Variants in SHISAL1 observed in about 807,000 individuals in gnomAD.
SHISAL1 encodes the protein protein shisa-like-1.
Under a neutral mutation model 22.6 loss-of-function variants are expected in SHISAL1, and 9 were observed. The observed-to-expected ratio is 0.40, with a 90% CI of 0.24 to 0.70. SHISAL1 has a LOEUF of 0.70. Ranked by LOEUF, SHISAL1 falls within the 30% of genes least tolerant of loss-of-function variation. SHISAL1 has a pLI of 0.39. For synonymous variants in SHISAL1, 119 were observed against 115.4 expected, an observed-to-expected ratio of 1.03 and a Z score of -0.20; for missense variants, 246 against 270.6, an observed-to-expected ratio of 0.91 and a Z score of 0.64.
At chr22:44,322,803 C>G in the SHISAL1 span, among the ~76,000 whole-genome samples, 3 of 152,224 alleles carry the variant, frequency 2.0e-5, no homozygotes, top group Admixed American at 2.0e-4. Flanking sequence ...AGCTACACAA[C>G]GCATCCCACC....
intron 4 of SHISAL1, among the ~76,000 whole-genome samples, chr22:44,268,714 G>A (rs577605231): frequency 5.3e-5 from 8 of 152,294 alleles, no homozygotes; most frequent in Admixed American, 3.3e-4. Flanking sequence ...CCTCAGCGAC[G>A]TTTTGAGGAA....
chr22:44,324,474 G>A, the SHISAL1 span, among the ~76,000 whole-genome samples: 1 of 152,234 alleles, frequency 6.6e-6, no homozygotes, highest in South Asian at 2.1e-4. Flanking sequence ...TGGAAGGGCT[G>A]CAACAATGTC....
Position 44,258,236 on chromosome 22 carries a change from G to A in SHISAL1, c.*-8551C>T, listed in dbSNP as rs11912661. 9.7e-3 allele frequency among the ~76,000 whole-genome samples: 1,483 copies of A among 152,328 alleles called. 25 individuals are homozygous for A. The highest frequency in any genetic ancestry group is 0.034 in the African/African-American group (1,422 of 41,572). On this transcript the variant is annotated intron_variant, in intron 4 of 4. Coordinates refer to ENST00000381176, the MANE Select transcript of SHISAL1 (RefSeq NM_001099294.2). ...CAGGAGAATCACTCGAATCCAGTGG[G>A]GTAGAGATTGCAGTGAGCCAAGATC...
the SHISAL1 span, among the ~76,000 whole-genome samples, chr22:44,327,177 C>T: frequency 6.6e-6 from 1 of 151,972 alleles, no homozygotes; most frequent in Non-Finnish European, 1.5e-5. Flanking sequence ...AGGCCTGCTG[C>T]TGGCACTGTC....
intron 1 of SHISAL1, among the ~76,000 whole-genome samples, chr22:44,306,073 G>A (rs1288503733): frequency 6.6e-6 from 1 of 152,240 alleles, no homozygotes; most frequent in Non-Finnish European, 1.5e-5. Flanking sequence ...TTCCAAGCTA[G>A]GTCAGAAAGC....
intron 4 of SHISAL1, among the ~76,000 whole-genome samples, chr22:44,265,521 T>C (rs974472607): frequency 1.3e-5 from 2 of 152,040 alleles, no homozygotes; most frequent in African/African-American, 4.8e-5. Flanking sequence ...GATTGCAGCC[T>C]CCTGAGAGAC....
At chr22:44,277,358 C>A (rs1365884231) in intron 4 of SHISAL1, among the ~76,000 whole-genome samples, 1 of 152,226 alleles carries the variant, frequency 6.6e-6, no homozygotes, top group Non-Finnish European at 1.5e-5. Context: ...GCTGGAGGCC[C>A]TCCAGGTACC....
chr22:44,251,233 C>T (rs1294193767), intron 4 of SHISAL1, among the ~76,000 whole-genome samples: 1 of 152,150 alleles, frequency 6.6e-6, no homozygotes, highest in Non-Finnish European at 1.5e-5. Context: ...CAGTAACTGG[C>T]ATACTGTAGG....
chr22:44,282,116 G>T (rs1305363191), intron 4 of SHISAL1, among the ~76,000 whole-genome samples: 2 of 152,204 alleles, frequency 1.3e-5, no homozygotes, highest in African/African-American at 4.8e-5. Flanking sequence ...CTGCCTCGGG[G>T]CCCTCACCCA....
rs75340512 is a variant in SHISAL1 at position 44,257,817 on chromosome 22, G to C, written c.*-8132C>G. 9.7e-3 allele frequency among the ~76,000 whole-genome samples: 1,477 copies of C among 152,310 alleles called. 25 individuals carry two copies. The highest frequency in any genetic ancestry group is 0.034 in the African/African-American group (1,417 of 41,546). On this transcript the variant is annotated intron_variant, in intron 4 of 4. Coordinates refer to ENST00000381176, the MANE Select transcript of SHISAL1 (RefSeq NM_001099294.2). ...AGGGGCAACCCATCACCTTCCTAGGGAACTGCATTAGCGTGAGCTGCTTCT... is the reference window on the plus strand; with the variant it reads ...AGGGGCAACCCATCACCTTCCTAGGCAACTGCATTAGCGTGAGCTGCTTCT...
intron 4 of SHISAL1, among the ~76,000 whole-genome samples, chr22:44,276,837 G>A (rs2055243285): frequency 6.9e-6 from 1 of 145,836 alleles, no homozygotes; most frequent in African/African-American, 2.8e-5. Context: ...AGGGGTGGGT[G>A]GAAATGAGAG....
intron 4 of SHISAL1, among the ~76,000 whole-genome samples, chr22:44,254,377 T>TA (rs1223739757): frequency 1.1e-4 from 16 of 152,196 alleles, no homozygotes; most frequent in Non-Finnish European, 2.4e-4. Context: ...TATTTTTTTT[T>TA]AGAGACAGGC....
At chr22:44,267,977 G>A (rs1351636193) in intron 4 of SHISAL1, among the ~76,000 whole-genome samples, 3 of 152,220 alleles carry the variant, frequency 2.0e-5, no homozygotes, top group South Asian at 2.1e-4. Context: ...GCAGAGACAC[G>A]GCCGGAGGCT....
intron 3 of SHISAL1, among the ~76,000 whole-genome samples, chr22:44,296,332 G>C (rs2055385609): frequency 6.6e-6 from 1 of 152,144 alleles, no homozygotes; most frequent in African/African-American, 2.4e-5. Flanking sequence ...GCTAATTTTT[G>C]TATTTTTAGT....
At position 44,245,143 on chromosome 22, in the gene SHISAL1, C is replaced by T. The variant is rs1311154320; in HGVS notation, c.*4542G>A. 2 of 152,228 alleles carry T rather than the reference C, an allele frequency of 1.3e-5. No homozygotes were observed. Among genetic ancestry groups the T allele is most frequent in the East Asian group, 1.9e-4 (1 of 5,194 alleles). 9.4% of individuals were successfully genotyped at this position (152,228 alleles called of 1,614,324 possible). On this transcript the variant is annotated 3_prime_UTR_variant, in exon 5 of 5. Coordinates refer to ENST00000381176, the MANE Select transcript of SHISAL1 (RefSeq NM_001099294.2). ...AGCAGACACCCTCTGATGCCCACCA[C>T]GTGAGCAGGATGATTAAGAATTCCT... is the stretch of plus-strand genomic sequence containing the variant.
At chr22:44,271,966 G>A (rs2055208211) in intron 4 of SHISAL1, among the ~76,000 whole-genome samples, 1 of 152,354 alleles carries the variant, frequency 6.6e-6, no homozygotes, top group East Asian at 1.9e-4. Context: ...TGGCATCTTT[G>A]TTTGCACAGT....
chr22:44,294,821 C>T (rs1325189807), intron 3 of SHISAL1, among the ~76,000 whole-genome samples: 1 of 152,096 alleles, frequency 6.6e-6, no homozygotes, highest in African/African-American at 2.4e-5. Flanking sequence ...TAACAATACT[C>T]AGAGGATATA....
chr22:44,254,155 G>A (rs2055068745), intron 4 of SHISAL1, among the ~76,000 whole-genome samples: 1 of 152,016 alleles, frequency 6.6e-6, no homozygotes, highest in Non-Finnish European at 1.5e-5. Flanking sequence ...CCGAGCCAAT[G>A]CTAAGAGGAA....
At chr22:44,290,599 A>C (rs923854980) in intron 3 of SHISAL1, among the ~76,000 whole-genome samples, 3 of 151,448 alleles carry the variant, frequency 2.0e-5, no homozygotes, top group African/African-American at 7.3e-5. Context: ...TCCACGAGAC[A>C]AGGTGGATGA....
Sources: gnomAD v4.1 joint callset for allele counts (sites outside exome capture counted in the v4.1 genomes callset) on GRCh38, gnomAD v4.1.1 for gene constraint, MANE v1.5 for transcripts, NCBI Gene and HGNC (gene_info 2026-07-23, HGNC 2026-07-21) for gene names.